The following ZNF365 variants were observed in gnomAD, a reference collection of about 807,000 sequenced individuals.
ZNF365 encodes protein ZNF365.
In ZNF365, 22 loss-of-function variants were observed where a neutral mutation model predicts 35.0. That is an observed-to-expected ratio of 0.63 (90% CI 0.45 to 0.90). The LOEUF (loss-of-function observed/expected upper bound fraction) is 0.90. Ranked by LOEUF, ZNF365 falls within the 40% of genes least tolerant of loss-of-function variation. ZNF365 has a pLI of 0.00. For missense variants in ZNF365, 448 were observed against 500.3 expected, an observed-to-expected ratio of 0.90 and a Z score of 1.00; for synonymous variants, 188 against 196.2, an observed-to-expected ratio of 0.96 and a Z score of 0.35.
At chr10:62,430,253 G>GTTTTT (rs34778344) in intron 3 of ZNF365, among the ~76,000 whole-genome samples, 1 of 101,914 alleles carries the variant, frequency 9.8e-6, no homozygotes, top group Non-Finnish European at 2.0e-5. Flanking sequence ...TTTGGAAAAG[G>GTTTTT]TTTTTTTTTT....
At chr10:62,393,126 G>T (rs190466543) in intron 3 of ZNF365, among the ~76,000 whole-genome samples, 1 of 151,996 alleles carries the variant, frequency 6.6e-6, no homozygotes, top group Non-Finnish European at 1.5e-5. Flanking sequence ...CCACTGGAAG[G>T]TCTTCAGAGG....
chr10:62,477,566 C>T lies in ZNF365; in HGVS notation c.982-2310C>T, dbSNP rs143444995. On this transcript the variant is annotated intron_variant, in intron 4 of 4. Coordinates refer to the ZNF365 transcript ENST00000395255. ...CTTTACATTATCTTAATATTATTAG[C>T]ACCGTTTATTGCTGTGACTATCAGA... Among the ~76,000 whole-genome samples the T allele has an allele frequency of 1.2e-3, 189 of 152,288 alleles. 1 individual carries two copies. The highest frequency in any genetic ancestry group is 4.4e-3 in the African/African-American group (182 of 41,550).
chr10:62,474,069 C>T (rs1218187509), intron 4 of ZNF365, among the ~76,000 whole-genome samples: 3 of 152,174 alleles, frequency 2.0e-5, no homozygotes, highest in African/African-American at 4.8e-5. Flanking sequence ...GTATCCCCAC[C>T]ACCACCAGTC....
chr10:62,416,079 C>A (rs1840069520), intron 3 of ZNF365, among the ~76,000 whole-genome samples: 2 of 152,134 alleles, frequency 1.3e-5, no homozygotes, highest in Admixed American at 6.6e-5. Context: ...ATTGACACTT[C>A]AGTCACATAA....
In ZNF365 at chr10:62,388,579, G is replaced by GT; in HGVS notation, c.924+3_924+4insT. The stretch of plus-strand genomic sequence containing the variant: ...TCCGTGATCTCAGCGGGCACGTGGT[G>GT]AGTCACCCCGGGCCAGCCACCGAGT... On this transcript the variant is annotated splice_donor_region_variant and intron_variant, in intron 3 of 4. Coordinates refer to ENST00000395254, the MANE Select transcript of ZNF365 (RefSeq NM_014951.3). 6.2e-7 allele frequency: 1 copy of GT among 1,613,354 alleles called. No homozygotes were observed. The highest frequency in any genetic ancestry group is 1.7e-4 in the Middle Eastern group (1 of 5,764).
chr10:62,388,413 A>G lies in ZNF365; in HGVS notation c.761A>G (p.Asn254Ser), dbSNP rs777186162. 6.2e-7 allele frequency: 1 copy of G among 1,614,214 alleles called. No homozygotes were observed. The highest frequency in any genetic ancestry group is 8.5e-7 in the Non-Finnish European group (1 of 1,180,042). Reference protein sequence around the residue: ...LRKEEEVVTFNHFLEAAAEKE... With the variant: ...LRKEEEVVTFSHFLEAAAEKE... ...CCTTGCAGAGAAGTTGTCACATTCAACCATTTCCTGGAAGCGGCAGCTGAG... is the reference window on the plus strand; with the variant it reads ...CCTTGCAGAGAAGTTGTCACATTCAGCCATTTCCTGGAAGCGGCAGCTGAG... The change falls in exon 3 of 5, where the codon AAC becomes AGC. Residue 254 changes from asparagine to serine, a missense_variant. By Grantham distance (46) the Asn-to-Ser change is conservative (BLOSUM62 1). Transcript: ENST00000395254.
At chr10:62,478,116 G>C (rs763889657) in intron 4 of ZNF365, among the ~76,000 whole-genome samples, 1 of 152,168 alleles carries the variant, frequency 6.6e-6, no homozygotes, top group Non-Finnish European at 1.5e-5. Context: ...ATCTTCAGGT[G>C]ATAGGAGACA....
At chr10:62,447,788 G>A (rs953046102) in intron 3 of ZNF365, among the ~76,000 whole-genome samples, 1 of 152,146 alleles carries the variant, frequency 6.6e-6, no homozygotes, top group Admixed American at 6.6e-5. Context: ...AGAGCTATGT[G>A]ACAATGCCTT....
chr10:62,460,877 G>T (rs753532719), intron 4 of ZNF365, among the ~76,000 whole-genome samples: 1 of 152,174 alleles, frequency 6.6e-6, no homozygotes, highest in Non-Finnish European at 1.5e-5. Flanking sequence ...AGCCAGACAA[G>T]CCCCATATAT....
At chr10:62,384,137 T>C (rs1839486467) in intron 2 of ZNF365, among the ~76,000 whole-genome samples, 2 of 149,710 alleles carry the variant, frequency 1.3e-5, no homozygotes, top group Admixed American at 1.3e-4. Flanking sequence ...AAAGAAGAAG[T>C]CGAAGATGGG....
chr10:62,436,980 A>C (rs1233310507), intron 3 of ZNF365, among the ~76,000 whole-genome samples: 2 of 152,226 alleles, frequency 1.3e-5, no homozygotes, highest in Admixed American at 6.5e-5. Flanking sequence ...TGGACTTCTG[A>C]CTATAAACTT....
chr10:62,440,115 C>A (rs545885305), intron 3 of ZNF365, among the ~76,000 whole-genome samples: 1 of 152,196 alleles, frequency 6.6e-6, no homozygotes, highest in Non-Finnish European at 1.5e-5. Flanking sequence ...TCAGAGGATA[C>A]CTTAGGCTCA....
intron 4 of ZNF365, among the ~76,000 whole-genome samples, chr10:62,477,453 G>A (rs895345166): frequency 6.6e-6 from 1 of 152,166 alleles, no homozygotes; most frequent in African/African-American, 2.4e-5. Context: ...GTGTCACTGA[G>A]GGTTTAGTGC....
At chr10:62,431,705 C>T (rs1741968271) in intron 3 of ZNF365, among the ~76,000 whole-genome samples, 1 of 152,136 alleles carries the variant, frequency 6.6e-6, no homozygotes, top group Non-Finnish European at 1.5e-5. Context: ...CAAAGCAAGA[C>T]AGAGGATGAG....
intron 3 of ZNF365, among the ~76,000 whole-genome samples, chr10:62,455,355 C>A (rs1431210467): frequency 6.6e-6 from 1 of 152,102 alleles, no homozygotes; most frequent in Non-Finnish European, 1.5e-5. Context: ...TCAGCAAAAG[C>A]AAATGATCCA....
rs374373897 is a variant in ZNF365, at chr10:62,462,404, G to A, written c.981+2607G>A. On this transcript the variant is annotated intron_variant, in intron 4 of 4. Coordinates refer to the ZNF365 transcript ENST00000395255. Reference sequence around the variant, plus strand: ...CTGTGAGCTGTGGGAGCCAGGAACCGCTCCATAAGTGTACCCCTCAGAAGG... The same window carrying A: ...CTGTGAGCTGTGGGAGCCAGGAACCACTCCATAAGTGTACCCCTCAGAAGG... 7.2e-5 allele frequency among the ~76,000 whole-genome samples: 11 copies of A among 152,314 alleles called. No homozygotes were observed. The South Asian group carries it at 8.3e-4, about 11-fold the overall frequency.
chr10:62,441,775 T>C (rs1431067068), intron 3 of ZNF365, among the ~76,000 whole-genome samples: 1 of 152,208 alleles, frequency 6.6e-6, no homozygotes, highest in African/African-American at 2.4e-5. Flanking sequence ...GTTTAATATA[T>C]GCTTGTGAAT....
chr10:62,455,715 G>A (rs999687646), intron 3 of ZNF365, among the ~76,000 whole-genome samples: 8 of 152,086 alleles, frequency 5.3e-5, no homozygotes, highest in Non-Finnish European at 1.0e-4. Context: ...ACCACATGCT[G>A]GGCACAAAAT....
intron 3 of ZNF365, among the ~76,000 whole-genome samples, chr10:62,413,888 T>G (rs574036664): frequency 2.3e-4 from 35 of 152,256 alleles, no homozygotes; most frequent in African/African-American, 8.2e-4. Context: ...AACAGAAATA[T>G]GCCTGTAGAT....
Sources: gnomAD v4.1 joint callset for allele counts (sites outside exome capture counted in the v4.1 genomes callset) on GRCh38, gnomAD v4.1.1 for gene constraint, MANE v1.5 for transcripts, NCBI Gene and HGNC (gene_info 2026-07-23, HGNC 2026-07-21) for gene names.